Variants in ZBED4 observed in about 807,000 individuals in gnomAD.
ZBED4 encodes zinc finger BED domain-containing protein 4.
A neutral mutation model predicts 15.5 loss-of-function variants in ZBED4; 4 were observed. The observed-to-expected ratio is 0.26, with a 90% CI of 0.13 to 0.59. ZBED4 has a LOEUF of 0.59. ZBED4 is among the 20% of genes least tolerant of loss of function. ZBED4 has a pLI of 0.90. For synonymous variants in ZBED4, 692 were observed against 608.5 expected (o/e 1.14, Z -2.02); for missense variants, 1,323 against 1,461.8 (o/e 0.91, Z 1.55).
intron 1 of ZBED4, among the ~76,000 whole-genome samples, 173 bp from the exon 2 acceptor site, chr22:49,883,160 TG>T (rs2060417994): frequency 6.6e-6 from 1 of 152,208 alleles, no homozygotes; most frequent in Non-Finnish European, 1.5e-5. Flanking sequence ...TTTTGCAATT[TG>T]GGGGTATTGT....
chr22:49,868,150 G>A (rs1207644043), intron 1 of ZBED4, among the ~76,000 whole-genome samples: 3 of 152,146 alleles, frequency 2.0e-5, no homozygotes, highest in African/African-American at 4.8e-5. Context: ...GTTGGTTAAC[G>A]GAAAGACCTT....
chr22:49,878,079 C>T (rs563363714), intron 1 of ZBED4, among the ~76,000 whole-genome samples: 6 of 151,874 alleles, frequency 4.0e-5, no homozygotes, highest in Non-Finnish European at 8.8e-5. Context: ...CCGAGATGGG[C>T]GGATCACCTG....
At position 49,885,865 on chromosome 22, in the gene ZBED4, T is replaced by C; in HGVS notation, c.2203T>C (p.Trp735Arg). The C allele has an allele frequency of 1.4e-6, 2 of 1,379,508 alleles. No homozygotes were observed. Among genetic ancestry groups the C allele is most frequent in the East Asian group, 4.6e-5 (2 of 43,702 alleles). The allele number at this position is 1,379,508 out of a possible 1,614,324, so 85.5% of individuals were successfully genotyped here. The change falls in exon 2 of 2, where the codon TGG (tryptophan) becomes CGG (arginine). Residue 735 changes from tryptophan to arginine, a missense_variant. Physicochemically the swap from Trp to Arg is moderately radical, Grantham distance 101. Around this residue, in one of 6 missense-constraint regions of ZBED4, gnomAD observed 89 missense variants for 129.8 expected, o/e 0.69. Coordinates refer to ENST00000216268, the MANE Select transcript of ZBED4 (RefSeq NM_014838.3). ...SGVIHFTSGIWMSNQTREYLT... is the reference protein window; with the variant it reads ...SGVIHFTSGIRMSNQTREYLT... ...TGTGATCCACTTCACGTCTGGAATA[T>C]GGATGAGTAACCAGACCCGTGAGTA... is the stretch of plus-strand genomic sequence containing the variant.
In ZBED4 at chr22:49,884,736, G is replaced by A; in HGVS notation, c.1074G>A (p.Leu358=). 2.5e-6 allele frequency: 4 copies of A among 1,593,434 alleles called. No homozygotes were observed. Among genetic ancestry groups the A allele is most frequent in the African/African-American group, 1.3e-5 (1 of 74,668 alleles). ...CACTGTACTCCACCCCTCCCACTCTGCTGCCTTCCTTGCTGCCGCCGGAGG... is the reference window on the plus strand; with the variant it reads ...CACTGTACTCCACCCCTCCCACTCTACTGCCTTCCTTGCTGCCGCCGGAGG... ...IPPLYSTPPT[L]LPSLLPPEGE... Residue 358 remains leucine, a synonymous_variant, in exon 2 of 2, where the codon CTG becomes CTA. Transcript: ENST00000216268.
chr22:49,869,931 C>T (rs1434091082), intron 1 of ZBED4, among the ~76,000 whole-genome samples: 1 of 152,138 alleles, frequency 6.6e-6, no homozygotes, highest in African/African-American at 2.4e-5. Context: ...GCATGGTACT[C>T]AATAGGTTGT....
At chr22:49,854,618 T>C (rs989877509) in intron 1 of ZBED4, among the ~76,000 whole-genome samples, 1 of 152,230 alleles carries the variant, frequency 6.6e-6, no homozygotes, top group Non-Finnish European at 1.5e-5. Context: ...GCAGTCAGTT[T>C]TGTTTCTTCT....
chr22:49,856,683 C>A (rs113809263), intron 1 of ZBED4, among the ~76,000 whole-genome samples: 1 of 37,664 alleles, frequency 2.7e-5, no homozygotes, highest in South Asian at 7.3e-4. Context: ...GCTGGAATCC[C>A]GGCCGGCTTC....
intron 1 of ZBED4, among the ~76,000 whole-genome samples, chr22:49,865,372 G>C (rs1390517305): frequency 1.3e-5 from 2 of 152,226 alleles, no homozygotes; most frequent in African/African-American, 4.8e-5. Context: ...CACGGGGGCC[G>C]GGCGCAGTGG....
At position 49,883,973 on chromosome 22, in the gene ZBED4, A is replaced by C; in HGVS notation, c.311A>C (p.Gln104Pro). The stretch of plus-strand genomic sequence containing the variant: ...GACGTGGCCATGGAGGCCGTGACCC[A>C]GAGCCTCCTTTCCAGCCGGAACATG... ...LYDVAMEAVT[Q>P]SLLSSRNMSS... Residue 104 changes from glutamine to proline, a missense_variant, in exon 2 of 2, where the codon CAG becomes CCG. Gln to Pro is a moderately conservative substitution (Grantham distance 76). Transcript: ENST00000216268. 1 of 1,613,560 alleles carries C rather than the reference A, an allele frequency of 6.2e-7. No individual in the cohort carries two copies. The highest frequency in any genetic ancestry group is 8.5e-7 in the Non-Finnish European group (1 of 1,179,832).
intron 1 of ZBED4, among the ~76,000 whole-genome samples, chr22:49,861,404 A>G (rs760439435): frequency 1.3e-5 from 2 of 152,108 alleles, no homozygotes; most frequent in Non-Finnish European, 2.9e-5. Flanking sequence ...AGTCTCTCAA[A>G]GTGGTGGGAT....
At chr22:49,880,016 A>G (rs930026798) in intron 1 of ZBED4, among the ~76,000 whole-genome samples, 1 of 151,546 alleles carries the variant, frequency 6.6e-6, no homozygotes, top group African/African-American at 2.4e-5. Flanking sequence ...TTTGTCAGCC[A>G]TTTTGTATTT....
chr22:49,867,033 G>T (rs1258329776), intron 1 of ZBED4, among the ~76,000 whole-genome samples: 1 of 152,152 alleles, frequency 6.6e-6, no homozygotes, highest in Admixed American at 6.5e-5. Flanking sequence ...TCTAACACAG[G>T]TATGTAGAGC....
chr22:49,859,951 C>T lies in ZBED4; in HGVS notation c.-330+5962C>T, dbSNP rs144408832. ...CTGAGATGGGAGGATCACTTGAGCT[C>T]AGGAGTTCCAGACCAGTCTAGGCAG... On this transcript the variant is annotated intron_variant, in intron 1 of 1. Coordinates refer to ENST00000216268, the MANE Select transcript of ZBED4 (RefSeq NM_014838.3). 3.8e-3 allele frequency among the ~76,000 whole-genome samples: 537 copies of T among 140,606 alleles called. 1 individual carries two copies. Among genetic ancestry groups the T allele is most frequent in the East Asian group, 6.9e-3 (32 of 4,638 alleles). The allele number at this position is 140,606 out of a possible 152,430, so 92.2% of individuals were successfully genotyped here. A position where few individuals can be genotyped will look rare whatever the true frequency, so the allele number is the denominator to read the frequency against.
rs574475872 is a variant in ZBED4, at chr22:49,876,128, T to A, written c.-329-7206T>A. On this transcript the variant is annotated intron_variant, in intron 1 of 1. Coordinates refer to ENST00000216268, the MANE Select transcript of ZBED4 (RefSeq NM_014838.3). ...ATTGTATTGCTGAAGTTTTATTCAG[T>A]TCCTTTGTCAGAAACCATTCTTTGA... is the stretch of plus-strand genomic sequence containing the variant. 5.3e-5 allele frequency among the ~76,000 whole-genome samples: 8 copies of A among 152,380 alleles called. No homozygotes were observed. The South Asian group carries it at 1.7e-3, about 32-fold the overall frequency.
chr22:49,881,166 C>T (rs1236199515), intron 1 of ZBED4, among the ~76,000 whole-genome samples: 1 of 151,854 alleles, frequency 6.6e-6, no homozygotes, highest in Admixed American at 6.5e-5. Context: ...GCCAACATGG[C>T]GAAACCCCGT....
chr22:49,874,140 G>A (rs1053317509), intron 1 of ZBED4, among the ~76,000 whole-genome samples: 1 of 152,158 alleles, frequency 6.6e-6, no homozygotes, highest in Non-Finnish European at 1.5e-5. Flanking sequence ...GCCGCCTCCT[G>A]CCTGGGCAGA....
At chr22:49,865,510 TA>T (rs2147511608) in intron 1 of ZBED4, among the ~76,000 whole-genome samples, 1 of 151,452 alleles carries the variant, frequency 6.6e-6, no homozygotes, top group South Asian at 2.1e-4. Flanking sequence ...AAAAAAATAA[TA>T]ACCCGTCTCT....
At chr22:49,855,596 G>C (rs979184454) in intron 1 of ZBED4, among the ~76,000 whole-genome samples, 1 of 152,226 alleles carries the variant, frequency 6.6e-6, no homozygotes, top group African/African-American at 2.4e-5. Flanking sequence ...GTGTGTGTGT[G>C]TGTCTCAGAT....
intron 1 of ZBED4, among the ~76,000 whole-genome samples, chr22:49,875,301 T>G (rs2060370384): frequency 6.6e-6 from 1 of 152,070 alleles, no homozygotes; most frequent in Non-Finnish European, 1.5e-5. Flanking sequence ...TGTGGGAAGG[T>G]TTTTCAACTA....
Sources: gnomAD v4.1 joint callset for allele counts (sites outside exome capture counted in the v4.1 genomes callset) on GRCh38, gnomAD v4.1.1 for gene constraint, gnomAD v4.1.1 regional missense constraint, MANE v1.5 for transcripts, NCBI Gene and HGNC (gene_info 2026-07-23, HGNC 2026-07-21) for gene names.